Variants in KCNQ5 observed in about 807,000 individuals in gnomAD.
The protein encoded by KCNQ5 is potassium voltage-gated channel subfamily Q member 5.
A neutral mutation model predicts 98.2 loss-of-function variants in KCNQ5; 30 were observed. The observed-to-expected ratio is 0.31, with a 90% CI of 0.23 to 0.41. The LOEUF (loss-of-function observed/expected upper bound fraction) is 0.41, where lower values mean the gene tolerates loss of function less well. Among genes scored for constraint, KCNQ5 ranks in the 10% least tolerant of loss-of-function variants. The pLI is 1.00. For synonymous variants in KCNQ5, 458 were observed against 449.4 expected (o/e 1.02, Z -0.24); for missense variants, 835 against 1,182.5 (o/e 0.71, Z 4.31).
chr6:72,966,186 G>A (rs1352688403), intron 1 of KCNQ5, among the ~76,000 whole-genome samples: 1 of 152,184 alleles, frequency 6.6e-6, no homozygotes, highest in African/African-American at 2.4e-5. Flanking sequence ...TTATTTATTA[G>A]TTTAGGCAGT....
At chr6:73,130,158 T>C (rs1280045261) in intron 9 of KCNQ5, among the ~76,000 whole-genome samples, 2 of 152,198 alleles carry the variant, frequency 1.3e-5, no homozygotes, top group Non-Finnish European at 2.9e-5. Context: ...TCAGTTGCCA[T>C]ATTGTGCCTG....
chr6:72,704,772 C>T (rs1451981826), intron 1 of KCNQ5, among the ~76,000 whole-genome samples: 1 of 151,848 alleles, frequency 6.6e-6, no homozygotes, highest in Non-Finnish European at 1.5e-5. Context: ...TTTGGTGATA[C>T]AGCAAACAAC....
rs35526812 is a variant in KCNQ5 at position 72,779,821 on chromosome 6, CTGTGTGTGTGTGTGTGTGTGTGTG to C, written c.398+157272_398+157295del. Among the ~76,000 whole-genome samples the C allele has an allele frequency of 1.2e-3, 148 of 124,914 alleles. 1 individual carries two copies. Among genetic ancestry groups the C allele is most frequent in the South Asian group, 0.01 (34 of 3,376 alleles). The allele number at this position is 124,914 out of a possible 152,430, so 81.9% of individuals were successfully genotyped here. A position where few individuals can be genotyped will look rare whatever the true frequency, so the allele number is the denominator to read the frequency against. ...CACCATGCCCAGCTAATTTAATTTT[CTGTGTGTGTGTGTGTGTGTGTGTG>C]TGTGTGTGTGTGTGTGTGTGTGTGT... is the stretch of plus-strand genomic sequence containing the variant. On this transcript the variant is annotated intron_variant, in intron 1 of 13. Transcript: ENST00000370398.
chr6:72,668,006 A>G (rs575890718), intron 1 of KCNQ5, among the ~76,000 whole-genome samples: 1 of 152,314 alleles, frequency 6.6e-6, no homozygotes, highest in African/African-American at 2.4e-5. Context: ...GGAACAGAAT[A>G]AGGACTTTAT....
chr6:73,099,348 A>G (rs749855676), intron 5 of KCNQ5, among the ~76,000 whole-genome samples: 1 of 152,210 alleles, frequency 6.6e-6, no homozygotes, highest in Non-Finnish European at 1.5e-5. Context: ...AAACTCTCCA[A>G]TCAAAAGACA....
chr6:72,851,615 C>A (rs9342975), intron 1 of KCNQ5, among the ~76,000 whole-genome samples: 111,612 of 151,936 alleles, frequency 0.73, 41,110 homozygotes, highest in African/African-American at 0.8. Flanking sequence ...CCCAAAGTAG[C>A]TTTTAGACAT....
At chr6:72,962,238 C>T (rs865974738) in intron 1 of KCNQ5, among the ~76,000 whole-genome samples, 9 of 132,932 alleles carry the variant, frequency 6.8e-5, no homozygotes, top group East Asian at 4.1e-4. Context: ...TATATATATA[C>T]ACATATATAT....
intron 1 of KCNQ5, among the ~76,000 whole-genome samples, chr6:72,638,167 G>A (rs932314277): frequency 4.6e-5 from 7 of 152,140 alleles, no homozygotes; most frequent in Non-Finnish European, 1.0e-4. Context: ...AGTAGTTCAG[G>A]CTACCAGTTT....
intron 1 of KCNQ5, among the ~76,000 whole-genome samples, chr6:72,627,817 TTCTCCCCACA>T (rs143432513): frequency 0.016 from 2,423 of 152,334 alleles, 69 homozygotes; most frequent in African/African-American, 0.054. Context: ...TTCTCTTGGC[TTCTCCCCACA>T]TCTTGCACCC....
intron 1 of KCNQ5, among the ~76,000 whole-genome samples, chr6:72,691,029 C>T (rs980083679): frequency 1.1e-4 from 17 of 152,074 alleles, no homozygotes; most frequent in African/African-American, 3.4e-4. Context: ...TTAGCTTAAA[C>T]TAGTAATAGA....
In KCNQ5 at chr6:72,987,481, A is replaced by G. The variant is rs536903832; in HGVS notation, c.399-16427A>G. On this transcript the variant is annotated intron_variant, in intron 1 of 13. Transcript: ENST00000370398. Reference sequence around the variant, plus strand: ...GAGGAACAGAAACTGAAGTTTCTCAAACTTACTGGTGGCTTCAAAAACCTG... The same window carrying G: ...GAGGAACAGAAACTGAAGTTTCTCAGACTTACTGGTGGCTTCAAAAACCTG... 40 of 666,722 alleles carry G rather than the reference A, an allele frequency of 6.0e-5. No individual in the cohort carries two copies. In the East Asian group the frequency reaches 1.1e-3, roughly 19 times the overall value. The allele number at this position is 666,722 out of a possible 1,614,324, so 41.3% of individuals were successfully genotyped here. A position where few individuals can be genotyped will look rare whatever the true frequency, so the allele number is the denominator to read the frequency against.
chr6:72,848,318 A>T (rs1361866398), intron 1 of KCNQ5, among the ~76,000 whole-genome samples: 1 of 151,948 alleles, frequency 6.6e-6, no homozygotes, highest in Non-Finnish European at 1.5e-5. Flanking sequence ...TAAGACCTGC[A>T]TGCATTAGCT....
chr6:72,938,218 G>C (rs967223717), intron 1 of KCNQ5, among the ~76,000 whole-genome samples: 4 of 152,016 alleles, frequency 2.6e-5, no homozygotes, highest in Admixed American at 2.0e-4. Context: ...GAATAAGTAG[G>C]ACAAAAAAAT....
chr6:72,761,595 C>G (rs1772280617), intron 1 of KCNQ5, among the ~76,000 whole-genome samples: 1 of 151,376 alleles, frequency 6.6e-6, no homozygotes, highest in Non-Finnish European at 1.5e-5. Context: ...TATAAAGTCA[C>G]CATTTTTATA....
chr6:72,725,228 T>C (rs1251711331), intron 1 of KCNQ5, among the ~76,000 whole-genome samples: 3 of 152,182 alleles, frequency 2.0e-5, no homozygotes, highest in Non-Finnish European at 2.9e-5. Flanking sequence ...CAAAATTACA[T>C]TGGGTTATAT....
chr6:73,145,030 C>T (rs1042748770), intron 10 of KCNQ5, among the ~76,000 whole-genome samples: 4 of 152,182 alleles, frequency 2.6e-5, no homozygotes, highest in African/African-American at 9.7e-5. Context: ...TTGCAATCTA[C>T]CATCCCAGCC....
chr6:72,782,404 A>G (rs1366869830), intron 1 of KCNQ5, among the ~76,000 whole-genome samples: 1 of 152,200 alleles, frequency 6.6e-6, no homozygotes, highest in Non-Finnish European at 1.5e-5. Context: ...CCCATGAATG[A>G]GAGTATTGTA....
At chr6:73,157,730 G>A in intron 10 of KCNQ5, 1 of 777,558 alleles carries the variant, frequency 1.3e-6, no homozygotes, top group Non-Finnish European at 2.4e-6. Context: ...AGGTCATAGG[G>A]GTCCCGAGCG....
At chr6:72,754,372 T>C (rs1172621111) in intron 1 of KCNQ5, among the ~76,000 whole-genome samples, 1 of 152,188 alleles carries the variant, frequency 6.6e-6, no homozygotes, top group Non-Finnish European at 1.5e-5. Flanking sequence ...TGATGTATCA[T>C]CTTTTTTGTG....
Sources: gnomAD v4.1 joint callset for allele counts (sites outside exome capture counted in the v4.1 genomes callset) on GRCh38, gnomAD v4.1.1 for gene constraint, MANE v1.5 for transcripts, NCBI Gene and HGNC (gene_info 2026-07-23, HGNC 2026-07-21) for gene names.